Variants in CTXN3 observed in about 807,000 individuals in gnomAD.
CTXN3 encodes the protein cortexin-3.
CTXN3 carries 4 observed loss-of-function variants against 5.0 expected under a neutral mutation model. The observed-to-expected ratio is 0.79, with a 90% confidence interval of 0.39 to 1.82. The LOEUF (loss-of-function observed/expected upper bound fraction) is 1.82, where lower values mean the gene tolerates loss of function less well. CTXN3 is among the 40% of genes most tolerant of loss of function. CTXN3 has a pLI of 0.04. For synonymous variants in CTXN3, 48 were observed against 38.6 expected, an observed-to-expected ratio of 1.24 and a Z score of -0.91; for missense variants, 89 against 99.7, an observed-to-expected ratio of 0.89 and a Z score of 0.46.
At position 127,650,016 on chromosome 5, in the gene CTXN3, T is replaced by G. The variant is rs373343687; in HGVS notation, c.-207+628T>G. On this transcript the variant is annotated intron_variant, in intron 1 of 2. Coordinates refer to ENST00000379445, the MANE Select transcript of CTXN3 (RefSeq NM_001048252.3). ...CTGACTAGGCACCCTCATGGTGTTT[T>G]CTGATGTTCTCAGCTAGGCAGTAGC... Among the ~76,000 whole-genome samples the G allele has an allele frequency of 2.1e-4, 32 of 152,258 alleles. No homozygotes were observed. The South Asian group carries it at 6.4e-3, about 31-fold the overall frequency.
rs578168870 is a variant in CTXN3, at chr5:127,652,666, C to A, written c.-206-651C>A. Among the ~76,000 whole-genome samples, 20 of 151,868 alleles carry A rather than the reference C, an allele frequency of 1.3e-4. 2 individuals are homozygous for A. In the East Asian group the frequency reaches 3.5e-3, roughly 27 times the overall value. ...GATGCTTGCCTCATAGTGCTTGCCT[C>A]CCCTCCTCTCCACAGATGGAAAGAA... On this transcript the variant is annotated intron_variant, in intron 1 of 2. Transcript: ENST00000379445.
Position 127,657,834 on chromosome 5 carries a change from A to G in CTXN3, c.*67A>G. 1 of 1,572,884 alleles carries G rather than the reference A, an allele frequency of 6.4e-7. No individual in the cohort carries two copies. The highest frequency in any genetic ancestry group is 1.1e-5 in the South Asian group (1 of 87,598). On this transcript the variant is annotated 3_prime_UTR_variant, in exon 3 of 3. Coordinates refer to ENST00000379445, the MANE Select transcript of CTXN3 (RefSeq NM_001048252.3). ...TTGTGTCTTGGTGAGGATTCCCTTT[A>G]TTTAGTGTTCTCAACAAATCAAATT...
At chr5:127,650,941 T>C (rs1381643654) in intron 1 of CTXN3, among the ~76,000 whole-genome samples, 1 of 152,182 alleles carries the variant, frequency 6.6e-6, no homozygotes, top group Non-Finnish European at 1.5e-5. Context: ...GGGATTCTAT[T>C]TAGGCTCAGT....
chr5:127,649,924 A>G (rs1749749257), intron 1 of CTXN3, among the ~76,000 whole-genome samples: 2 of 152,176 alleles, frequency 1.3e-5, no homozygotes, highest in South Asian at 2.1e-4. Context: ...CAGGTGGAAC[A>G]GTAGGGCTTA....
At chr5:127,651,404 G>T (rs560220223) in intron 1 of CTXN3, among the ~76,000 whole-genome samples, 1 of 152,262 alleles carries the variant, frequency 6.6e-6, no homozygotes, top group Admixed American at 6.5e-5. Flanking sequence ...GTTAACACCT[G>T]AGGGATGACA....
chr5:127,657,977 T>C lies in CTXN3; in HGVS notation c.*210T>C. 3.4e-6 allele frequency: 2 copies of C among 584,748 alleles called. No individual in the cohort carries two copies. Among genetic ancestry groups the C allele is most frequent in the South Asian group, 4.3e-5 (2 of 46,092 alleles). 36.2% of individuals were successfully genotyped at this position (584,748 alleles called of 1,614,324 possible). ...TATAACTAATCCAACATAAGAAGGT[T>C]TAAATTTTTATGTTTGCTCAATGAA... is the stretch of plus-strand genomic sequence containing the variant. On this transcript the variant is annotated 3_prime_UTR_variant, in exon 3 of 3. Coordinates refer to ENST00000379445, the MANE Select transcript of CTXN3 (RefSeq NM_001048252.3).
At chr5:127,655,975 T>C (rs1210538339) in intron 2 of CTXN3, among the ~76,000 whole-genome samples, 1 of 152,204 alleles carries the variant, frequency 6.6e-6, no homozygotes, top group African/African-American at 2.4e-5. Flanking sequence ...AGTGTCAATA[T>C]AATGCAAACT....
intron 1 of CTXN3, among the ~76,000 whole-genome samples, chr5:127,650,791 G>A (rs1412838729): frequency 6.6e-6 from 1 of 152,188 alleles, no homozygotes; most frequent in Non-Finnish European, 1.5e-5. Flanking sequence ...CAGTTGTGGT[G>A]GGGATGGATA....
chr5:127,652,080 G>A (rs186207152), intron 1 of CTXN3, among the ~76,000 whole-genome samples: 1 of 152,178 alleles, frequency 6.6e-6, no homozygotes, highest in Admixed American at 6.5e-5. Context: ...TAAATAAAAG[G>A]GTAACTTTCA....
At chr5:127,655,243 ACAAGAGCGAAACTC>A (rs1054346226) in intron 2 of CTXN3, among the ~76,000 whole-genome samples, 4 of 152,240 alleles carry the variant, frequency 2.6e-5, no homozygotes, top group Admixed American at 6.5e-5. Context: ...ACCTTGGGCA[ACAAGAGCGAAACTC>A]CGTCTCAAAA....
chr5:127,653,700 T>A (rs569460656), intron 2 of CTXN3: 2 of 152,370 alleles, frequency 1.3e-5, no homozygotes, highest in South Asian at 4.1e-4. Flanking sequence ...TTACATTTAT[T>A]TCTTTTTCTC....
rs1211138673 is a variant in CTXN3, at chr5:127,650,302, CCTGTTGACATCTGTAG to C, written c.-207+918_-207+933del. Reference sequence around the variant, plus strand: ...GGGGCTGGCAACAGTTCTGAAACTGCCTGTTGACATCTGTAGCTGAAGACATCCTCATGTTTATGAA... The same window carrying C: ...GGGGCTGGCAACAGTTCTGAAACTGCCTGAAGACATCCTCATGTTTATGAA... On this transcript the variant is annotated intron_variant, in intron 1 of 2. Transcript: ENST00000379445. Among the ~76,000 whole-genome samples the C allele has an allele frequency of 2.1e-4, 32 of 152,242 alleles. 1 individual carries two copies. Among genetic ancestry groups the C allele is most frequent in the Admixed American group, 1.5e-3 (23 of 15,290 alleles).
chr5:127,654,353 C>T (rs1219630203), intron 2 of CTXN3, among the ~76,000 whole-genome samples: 1 of 152,176 alleles, frequency 6.6e-6, no homozygotes, highest in African/African-American at 2.4e-5. Context: ...GGAGGCTTCT[C>T]AATGCAAAGA....
At chr5:127,656,748 G>A (rs1438721313) in intron 2 of CTXN3, among the ~76,000 whole-genome samples, 2 of 152,082 alleles carry the variant, frequency 1.3e-5, no homozygotes, top group Non-Finnish European at 2.9e-5. Flanking sequence ...CTTTTCAAAG[G>A]GTTTTCACAG....
chr5:127,657,884 A>T lies in CTXN3; in HGVS notation c.*117A>T. 1 of 1,222,882 alleles carries T rather than the reference A, an allele frequency of 8.2e-7. No individual in the cohort carries two copies. The highest frequency in any genetic ancestry group is 1.1e-6 in the Non-Finnish European group (1 of 878,086). The allele number at this position is 1,222,882 out of a possible 1,614,324, so 75.8% of individuals were successfully genotyped here. A position where few individuals can be genotyped will look rare whatever the true frequency, so the allele number is the denominator to read the frequency against. On this transcript the variant is annotated 3_prime_UTR_variant, in exon 3 of 3. Coordinates refer to ENST00000379445, the MANE Select transcript of CTXN3 (RefSeq NM_001048252.3). ...TTAAACAATATTTGGTCCCAGGACC[A>T]TAATCCATTATTCCATAAATATGCA...
intron 1 of CTXN3, among the ~76,000 whole-genome samples, chr5:127,649,617 T>TTGA (rs1277815557): frequency 1.3e-5 from 2 of 152,226 alleles, no homozygotes; most frequent in Non-Finnish European, 2.9e-5. Flanking sequence ...TATAATGTTA[T>TTGA]TGATACTGGA....
intron 2 of CTXN3, among the ~76,000 whole-genome samples, chr5:127,655,193 G>A (rs1387607113): frequency 6.6e-6 from 1 of 152,196 alleles, no homozygotes; most frequent in Non-Finnish European, 1.5e-5. Flanking sequence ...AACCTGGGAG[G>A]CGGAGGTTGT....
chr5:127,652,420 A>G (rs1052706379), intron 1 of CTXN3: 5 of 152,232 alleles, frequency 3.3e-5, no homozygotes, highest in African/African-American at 1.2e-4. Context: ...ATCCCAGAAC[A>G]GCAAATAATT....
At position 127,657,661 on chromosome 5, in the gene CTXN3, G is replaced by T. The variant is rs756665901; in HGVS notation, c.140G>T (p.Arg47Leu). The change falls in exon 3 of 3, where the codon CGG becomes CTG. Residue 47 changes from arginine (R) to leucine (L), a missense_variant. Coordinates refer to ENST00000379445, the MANE Select transcript of CTXN3 (RefSeq NM_001048252.3). ...ATTTTCTTGGGCATTCTCATTGTCC[G>T]GTGCTTCCGGATTCTTTTGGATCCA... ...LFIFLGILIV[R>L]CFRILLDPYR... The T allele has an allele frequency of 6.2e-7, 1 of 1,614,014 alleles. No homozygotes were observed. Among genetic ancestry groups the T allele is most frequent in the Non-Finnish European group, 8.5e-7 (1 of 1,180,016 alleles).
Sources: allele counts gnomAD v4.1 joint callset (sites outside exome capture counted in the v4.1 genomes callset), GRCh38; gene constraint gnomAD v4.1.1; transcripts MANE v1.5; gene names NCBI Gene and HGNC (gene_info 2026-07-23, HGNC 2026-07-21).